Variants in FER observed in about 807,000 individuals in gnomAD.
The protein encoded by FER is FER tyrosine kinase.
FER carries 63 observed loss-of-function variants against 111.0 expected under a neutral mutation model. The ratio of observed to expected loss-of-function variants is 0.57; its 90% confidence interval spans 0.46 to 0.70. The LOEUF is 0.70. Ranked by LOEUF, FER falls within the 30% of genes least tolerant of loss-of-function variation. FER has a pLI of 0.00. For missense variants in FER, 914 were observed against 954.0 expected (o/e 0.96, Z 0.55); for synonymous variants, 327 against 313.9 (o/e 1.04, Z -0.44).
intron 13 of FER, among the ~76,000 whole-genome samples, chr5:108,963,069 A>G (rs1248662364): frequency 2.0e-5 from 3 of 152,324 alleles, no homozygotes; most frequent in Admixed American, 1.3e-4. Context: ...CTGAACAGCA[A>G]TATTGGGTAG....
chr5:108,798,861 T>C (rs28631256), intron 3 of FER, among the ~76,000 whole-genome samples: 29,324 of 152,064 alleles, frequency 0.19, 3,061 homozygotes, highest in African/African-American at 0.27. Context: ...TTTTTGTGCC[T>C]CTCTGATATT....
intron 3 of FER, among the ~76,000 whole-genome samples, chr5:108,827,361 G>A (rs1759574791): frequency 6.6e-6 from 1 of 152,104 alleles, no homozygotes; most frequent in South Asian, 2.1e-4. Context: ...CTAACTGTGA[G>A]CAATCAAATG....
intron 17 of FER, chr5:109,177,610 C>T (rs1166317817): frequency 1.3e-5 from 2 of 152,198 alleles, no homozygotes; most frequent in Non-Finnish European, 2.9e-5. Context: ...TCTCCATTGC[C>T]TGCTGGCCTT....
At chr5:108,916,009 A>G (rs1049199695) in intron 10 of FER, among the ~76,000 whole-genome samples, 1 of 152,120 alleles carries the variant, frequency 6.6e-6, no homozygotes, top group Non-Finnish European at 1.5e-5. Flanking sequence ...TTTACTCTCC[A>G]GGTTTCCATT....
At chr5:109,042,303 A>G (rs1771292766) in intron 14 of FER, among the ~76,000 whole-genome samples, 3 of 152,118 alleles carry the variant, frequency 2.0e-5, no homozygotes, top group Non-Finnish European at 2.9e-5. Flanking sequence ...CACCCCTTGC[A>G]TCTTAGAAAG....
intron 16 of FER, among the ~76,000 whole-genome samples, chr5:109,060,539 C>T (rs886092641): frequency 2.0e-5 from 3 of 151,908 alleles, no homozygotes; most frequent in African/African-American, 7.3e-5. Context: ...CAAAAATTAG[C>T]TGGGCGTGGT....
chr5:109,056,578 T>TG (rs1324458394), intron 16 of FER, among the ~76,000 whole-genome samples: 4 of 151,654 alleles, frequency 2.6e-5, no homozygotes, highest in African/African-American at 9.7e-5. Flanking sequence ...ACAGAGGAAA[T>TG]GGGAAGATGT....
chr5:109,009,330 G>A (rs565426288), intron 13 of FER, among the ~76,000 whole-genome samples: 2 of 151,870 alleles, frequency 1.3e-5, no homozygotes, highest in African/African-American at 2.4e-5. Flanking sequence ...CACCGTGCCC[G>A]GCCCTCTTCC....
intron 10 of FER, among the ~76,000 whole-genome samples, chr5:108,910,457 C>CT (rs199808437): frequency 1.3e-4 from 19 of 151,934 alleles, no homozygotes; most frequent in East Asian, 1.2e-3. Flanking sequence ...AAGGCTTTTA[C>CT]TTTTTTTAAA....
At chr5:108,835,677 A>C (rs369428605) in intron 4 of FER, 31 bp from the exon 5 acceptor site, 301 of 1,350,476 alleles carry the variant, frequency 2.2e-4, no homozygotes, top group Admixed American at 5.1e-4. Context: ...TAAACAATTT[A>C]ATACATTTAT....
At chr5:109,043,665 A>G (rs1307581092) in intron 14 of FER, among the ~76,000 whole-genome samples, 1 of 152,156 alleles carries the variant, frequency 6.6e-6, no homozygotes, top group Non-Finnish European at 1.5e-5. Flanking sequence ...CAATAGCATT[A>G]AAGTTTATTA....
At chr5:108,807,250 G>A (rs1004976443) in intron 3 of FER, among the ~76,000 whole-genome samples, 3 of 152,190 alleles carry the variant, frequency 2.0e-5, no homozygotes, top group African/African-American at 7.2e-5. Flanking sequence ...ACGTGGAACT[G>A]TAAGTCCAGT....
At chr5:108,783,132 G>A (rs146193198) in intron 2 of FER, among the ~76,000 whole-genome samples, 42 of 152,180 alleles carry the variant, frequency 2.8e-4, no homozygotes, top group Middle Eastern at 3.4e-3. Context: ...CCACAGGTCC[G>A]TGAGGCTTTC....
At chr5:109,162,833 T>G (rs924983464) in intron 17 of FER, among the ~76,000 whole-genome samples, 1 of 151,946 alleles carries the variant, frequency 6.6e-6, no homozygotes, top group Non-Finnish European at 1.5e-5. Flanking sequence ...TGTAAGAATC[T>G]TAAGGTGCCT....
At chr5:108,866,018 G>A (rs1186897604) in intron 5 of FER, among the ~76,000 whole-genome samples, 1 of 152,194 alleles carries the variant, frequency 6.6e-6, no homozygotes, top group Admixed American at 6.5e-5. Context: ...CATTGTGGAA[G>A]TCAGTGTGGT....
chr5:108,874,506 C>G (rs1221398899), intron 8 of FER, among the ~76,000 whole-genome samples: 1 of 151,846 alleles, frequency 6.6e-6, no homozygotes, highest in African/African-American at 2.4e-5. Flanking sequence ...ATTTTATTCC[C>G]AGAGAGTTAT....
intron 17 of FER, among the ~76,000 whole-genome samples, chr5:109,156,956 A>G (rs1305214592): frequency 4.6e-5 from 7 of 152,112 alleles, no homozygotes; most frequent in Non-Finnish European, 8.8e-5. Flanking sequence ...TTTAATGCTC[A>G]GATGCTAATG....
chr5:108,912,142 G>C (rs1186905717), intron 10 of FER, among the ~76,000 whole-genome samples: 2 of 152,162 alleles, frequency 1.3e-5, no homozygotes, highest in African/African-American at 4.8e-5. Context: ...ACTTGGAACT[G>C]TGAGTAAAGC....
chr5:109,006,901 A>T (rs1176336714), intron 13 of FER, among the ~76,000 whole-genome samples: 1 of 152,160 alleles, frequency 6.6e-6, no homozygotes, highest in Non-Finnish European at 1.5e-5. Context: ...CTAAGAGCAC[A>T]ATTCTGGAGG....
Sources: gnomAD v4.1 joint callset for allele counts (sites outside exome capture counted in the v4.1 genomes callset) on GRCh38, gnomAD v4.1.1 for gene constraint, MANE v1.5 for transcripts, NCBI Gene and HGNC (gene_info 2026-07-23, HGNC 2026-07-21) for gene names.